The following LIMCH1 variants were observed in gnomAD, a reference collection of about 807,000 sequenced individuals.
LIMCH1 encodes the protein LIM and calponin homology domains-containing protein 1.
In LIMCH1, 113 loss-of-function variants were observed where a neutral mutation model predicts 176.5. That is an observed-to-expected ratio of 0.64 (90% CI 0.55 to 0.75). The LOEUF is 0.75. Among genes scored for constraint, LIMCH1 ranks in the 30% least tolerant of loss-of-function variants. LIMCH1 has a pLI of 0.00. For synonymous variants in LIMCH1, 619 were observed against 645.9 expected (o/e 0.96, Z 0.63); for missense variants, 1,674 against 1,814.9 (o/e 0.92, Z 1.41).
intron 1 of LIMCH1, among the ~76,000 whole-genome samples, chr4:41,438,957 A>G (rs1014177961): frequency 1.3e-5 from 2 of 152,204 alleles, no homozygotes; most frequent in Non-Finnish European, 2.9e-5. Context: ...CAATTCACAG[A>G]TCATGCTTGA....
At chr4:41,513,776 G>A (rs2075223248) in intron 2 of LIMCH1, among the ~76,000 whole-genome samples, 1 of 151,868 alleles carries the variant, frequency 6.6e-6, no homozygotes, top group East Asian at 1.9e-4. Context: ...AGGCCAAGGC[G>A]GGCGGATCAC....
chr4:41,502,418 A>G (rs2073467149), intron 2 of LIMCH1, among the ~76,000 whole-genome samples: 1 of 152,148 alleles, frequency 6.6e-6, no homozygotes, highest in African/African-American at 2.4e-5. Context: ...TCCTTTGGGT[A>G]TATACCCAGT....
At chr4:41,666,038 G>C (rs1289200286) in intron 20 of LIMCH1, among the ~76,000 whole-genome samples, 1 of 152,210 alleles carries the variant, frequency 6.6e-6, no homozygotes, top group Non-Finnish European at 1.5e-5. Context: ...ATGTTTCTTT[G>C]TCAGCAGGCA....
At chr4:41,567,828 G>A (rs2082972222) in intron 1 of LIMCH1, among the ~76,000 whole-genome samples, 1 of 152,136 alleles carries the variant, frequency 6.6e-6, no homozygotes, top group Non-Finnish European at 1.5e-5. Flanking sequence ...AAGATGATAA[G>A]TTCATTTCAC....
rs375312705 is a variant in LIMCH1 at position 41,513,965 on chromosome 4, C to T, written c.168-10444C>T. 3.2e-4 allele frequency among the ~76,000 whole-genome samples: 39 copies of T among 121,772 alleles called. 1 individual carries two copies. Among genetic ancestry groups the T allele is most frequent in the African/African-American group, 1.2e-3 (37 of 31,926 alleles). 79.9% of individuals were successfully genotyped at this position (121,772 alleles called of 152,430 possible). A position where few individuals can be genotyped will look rare whatever the true frequency, so the allele number is the denominator to read the frequency against. On this transcript the variant is annotated intron_variant, in intron 2 of 26. Transcript: ENST00000313860. ...AGGTTCCGGTGAGCGGAGATCGTGC[C>T]ACTGTACTCCAGCCTGGGTGATAGA...
intron 4 of LIMCH1, chr4:41,612,705 A>G (rs2091577886): frequency 2.9e-6 from 2 of 699,658 alleles, no homozygotes; most frequent in African/African-American, 3.5e-5. Flanking sequence ...TGTCAAAGAC[A>G]GCCATTGTTC....
Position 41,650,599 on chromosome 4 carries a change from A to C in LIMCH1, c.3027A>C (p.Gln1009His). The change falls in exon 18 of 32, where the codon CAA becomes CAC. Residue 1009 changes from glutamine to histidine, a missense_variant. Gln to His is a conservative substitution (Grantham distance 24, BLOSUM62 0). Around this residue, in one of 3 missense-constraint regions of LIMCH1, gnomAD observed 1,015 missense variants for 1,102.5 expected, o/e 0.92. Transcript: ENST00000503057. ...TAAAGAAGCCAAACTCTGTTCCCCA[A>C]GAGCTCGCAGTAAGAACCAAACATT... ...INIKKPNSVP[Q>H]ELAATTEKTE... 6.2e-7 allele frequency: 1 copy of C among 1,612,952 alleles called. No homozygotes were observed. Among genetic ancestry groups the C allele is most frequent in the Non-Finnish European group, 8.5e-7 (1 of 1,179,446 alleles).
intron 1 of LIMCH1, among the ~76,000 whole-genome samples, chr4:41,547,863 G>GTATGTGTGTGTGTATATATATA (rs1554094745): frequency 1.1e-5 from 1 of 93,220 alleles, no homozygotes; most frequent in African/African-American, 4.4e-5. Flanking sequence ...TTGTGTGTGT[G>GTATGTGTGTGTGTATATATATA]TATATATATA....
At position 41,692,396 on chromosome 4, in the gene LIMCH1, G is replaced by T. The variant is rs776711630; in HGVS notation, c.4378+12G>T. 1 of 1,520,140 alleles carries T rather than the reference G, an allele frequency of 6.6e-7. No individual in the cohort carries two copies. Among genetic ancestry groups the T allele is most frequent in the South Asian group, 1.1e-5 (1 of 89,274 alleles). 94.2% of individuals were successfully genotyped at this position (1,520,140 alleles called of 1,614,324 possible). A position where few individuals can be genotyped will look rare whatever the true frequency, so the allele number is the denominator to read the frequency against. ...CATGCGATCCAGAAGTAAGTACTGGGGAGAATGCCTCATGATGACCGAGTG... is the reference window on the plus strand; with the variant it reads ...CATGCGATCCAGAAGTAAGTACTGGTGAGAATGCCTCATGATGACCGAGTG... On this transcript the variant is annotated intron_variant, in intron 31 of 31. Transcript: ENST00000503057.
At chr4:41,434,592 C>T (rs1247933234) in intron 1 of LIMCH1, among the ~76,000 whole-genome samples, 1 of 152,184 alleles carries the variant, frequency 6.6e-6, no homozygotes, top group African/African-American at 2.4e-5. Flanking sequence ...TCTTGGCTCA[C>T]TGCCACCTCC....
chr4:41,539,709 A>G (rs1359312129), intron 1 of LIMCH1, among the ~76,000 whole-genome samples: 1 of 152,206 alleles, frequency 6.6e-6, no homozygotes. Flanking sequence ...TGGAGTCCCA[A>G]CTAATGCTGA....
chr4:41,539,903 G>A (rs2078404154), intron 1 of LIMCH1, among the ~76,000 whole-genome samples: 1 of 152,170 alleles, frequency 6.6e-6, no homozygotes, highest in East Asian at 1.9e-4. Flanking sequence ...GCTGTTGGGG[G>A]TATTCCCTGC....
At chr4:41,463,906 G>A (rs1235843882) in intron 1 of LIMCH1, among the ~76,000 whole-genome samples, 1 of 151,960 alleles carries the variant, frequency 6.6e-6, no homozygotes, top group Non-Finnish European at 1.5e-5. Flanking sequence ...TTGTAGGGAT[G>A]AGGTCTCACT....
At chr4:41,536,280 G>A (rs979901602), upstream of LIMCH1, among the ~76,000 whole-genome samples, 1 of 152,078 alleles carries the variant, frequency 6.6e-6, no homozygotes, top group African/African-American at 2.4e-5. Flanking sequence ...CTCTTAAAAC[G>A]TGCCTTCCTC....
chr4:41,585,245 C>T lies in LIMCH1; in HGVS notation c.-240-13675C>T, dbSNP rs916107101. ...ACCCTGGTAACCTTTGTTTTACCTT[C>T]TGTCTCTATGAATTTGACTACTCTA... On this transcript the variant is annotated intron_variant, in intron 1 of 31. Coordinates refer to ENST00000503057, the MANE Select transcript of LIMCH1 (RefSeq NM_001330672.2). Among the ~76,000 whole-genome samples the T allele has an allele frequency of 3.3e-5, 5 of 152,320 alleles. 1 individual carries two copies. The South Asian group carries it at 1.0e-3, about 32-fold the overall frequency.
At chr4:41,435,143 T>C (rs2061953219) in intron 1 of LIMCH1, among the ~76,000 whole-genome samples, 2 of 152,170 alleles carry the variant, frequency 1.3e-5, no homozygotes, top group African/African-American at 4.8e-5. Context: ...AGAGGGGGAC[T>C]GGACATCAGA....
chr4:41,379,906 C>G (rs904609295), intron 1 of LIMCH1, among the ~76,000 whole-genome samples: 2 of 152,138 alleles, frequency 1.3e-5, no homozygotes, highest in Non-Finnish European at 2.9e-5. Context: ...TCAGGCAGTT[C>G]TCCTGCCTCA....
chr4:41,414,830 T>G (rs888414811), intron 1 of LIMCH1, among the ~76,000 whole-genome samples: 27 of 152,332 alleles, frequency 1.8e-4, no homozygotes, highest in African/African-American at 6.3e-4. Context: ...AGGAATGTTG[T>G]ACACGTATTG....
intron 3 of LIMCH1, among the ~76,000 whole-genome samples, chr4:41,526,819 G>A (rs922159089): frequency 1.3e-5 from 2 of 152,180 alleles, no homozygotes; most frequent in Non-Finnish European, 2.9e-5. Context: ...TAGACATGCA[G>A]TTGCACCAGT....
Sources: gnomAD v4.1 joint callset for allele counts (sites outside exome capture counted in the v4.1 genomes callset) on GRCh38, gnomAD v4.1.1 for gene constraint, gnomAD v4.1.1 regional missense constraint, MANE v1.5 for transcripts, NCBI Gene and HGNC (gene_info 2026-07-23, HGNC 2026-07-21) for gene names.